The following CLIP4 variants were observed in gnomAD, a reference collection of about 807,000 sequenced individuals.
CLIP4 encodes the protein CAP-Gly domain containing linker protein family member 4, also known as CAP-Gly domain-containing linker protein 4.
In CLIP4, 47 loss-of-function variants were observed where a neutral mutation model predicts 73.1. The ratio of observed to expected loss-of-function variants is 0.64; its 90% CI spans 0.51 to 0.82. The LOEUF (loss-of-function observed/expected upper bound fraction) is 0.82. CLIP4 is among the 40% of genes least tolerant of loss of function. The pLI is 0.00. For synonymous variants in CLIP4, 306 were observed against 295.4 expected (o/e 1.04, Z -0.37); for missense variants, 874 against 852.9 (o/e 1.02, Z -0.31).
intron 14 of CLIP4, among the ~76,000 whole-genome samples, chr2:29,169,673 C>A (rs75960021): frequency 6.6e-6 from 1 of 151,922 alleles, no homozygotes; most frequent in Admixed American, 6.6e-5. Context: ...ATTTGATGCA[C>A]GTATACAATG....
intron 1 of CLIP4, among the ~76,000 whole-genome samples, chr2:29,107,371 T>G (rs867086315): frequency 0.012 from 1,388 of 119,034 alleles, 71 homozygotes; most frequent in African/African-American, 0.046. Context: ...TTTTTTTTTT[T>G]TTTTTTTTTT....
chr2:29,137,635 C>G (rs998829513), intron 6 of CLIP4, among the ~76,000 whole-genome samples: 1 of 152,204 alleles, frequency 6.6e-6, no homozygotes, highest in Non-Finnish European at 1.5e-5. Context: ...TACATTCCCA[C>G]TAACAGTGTA....
intron 7 of CLIP4, among the ~76,000 whole-genome samples, chr2:29,144,798 C>CT (rs34304199): frequency 0.26 from 21,940 of 84,280 alleles, 3,418 homozygotes; most frequent in African/African-American, 0.3. Flanking sequence ...AGTTATATCC[C>CT]TTTTTTTTTT....
rs532610887 is a variant in CLIP4 at position 29,160,575 on chromosome 2, T to C, written c.1534+108T>C. On this transcript the variant is annotated intron_variant, in intron 12 of 15. Transcript: ENST00000320081. ...GTAGAGAAATCTTGATGAACAGTTT[T>C]TGTGGATGGCAGCTATAGTACAGAA... 2.4e-3 allele frequency: 3,021 copies of C among 1,258,406 alleles called. 4 individuals are homozygous for C. Among genetic ancestry groups the C allele is most frequent in the Middle Eastern group, 4.7e-3 (19 of 4,022 alleles). 78.0% of individuals were successfully genotyped at this position (1,258,406 alleles called of 1,614,324 possible). A position where few individuals can be genotyped will look rare whatever the true frequency, so the allele number is the denominator to read the frequency against.
chr2:29,115,757 A>T lies in CLIP4; in HGVS notation c.-16+92A>T, dbSNP rs1663754380. The T allele has an allele frequency of 6.7e-6, 1 of 149,028 alleles. No homozygotes were observed. Among genetic ancestry groups the T allele is most frequent in the Admixed American group, 6.7e-5 (1 of 15,028 alleles). 9.2% of individuals were successfully genotyped at this position (149,028 alleles called of 1,614,324 possible). A position where few individuals can be genotyped will look rare whatever the true frequency, so the allele number is the denominator to read the frequency against. On this transcript the variant is annotated intron_variant, in intron 1 of 15. Transcript: ENST00000320081. This position sits in a 1 kb window ranked among gnomAD's most constrained non-coding sequence, Gnocchi z 5.1. ...TGGGCGGCCCTGGGGGCCCGCGGGG[A>T]GGTCAGTGGCCCCGGGAGGGTCGCG...
At chr2:29,127,365 A>C (rs1213479540) in intron 2 of CLIP4, among the ~76,000 whole-genome samples, 1 of 152,134 alleles carries the variant, frequency 6.6e-6, no homozygotes, top group Non-Finnish European at 1.5e-5. Flanking sequence ...TATTGCCATG[A>C]AAATAAAGAA....
At chr2:29,127,065 A>G (rs948001618) in intron 2 of CLIP4, among the ~76,000 whole-genome samples, 4 of 152,152 alleles carry the variant, frequency 2.6e-5, no homozygotes, top group African/African-American at 9.7e-5. Context: ...TTTGTTCGCA[A>G]AATAAGTTTT....
chr2:29,145,309 A>C lies in CLIP4; in HGVS notation c.963A>C (p.Glu321Asp). 6 of 1,613,648 alleles carry C rather than the reference A, an allele frequency of 3.7e-6. No homozygotes were observed. The highest frequency in any genetic ancestry group is 5.1e-6 in the Non-Finnish European group (6 of 1,179,620). The change falls in exon 8 of 16, where the codon GAA becomes GAC. Residue 321 changes from glutamate (E) to aspartate (D), a missense_variant. Coordinates refer to ENST00000320081, the MANE Select transcript of CLIP4 (RefSeq NM_024692.6). ...QWAGIELDEP[E>D]GKNNGSVGKV... is the part of the protein sequence containing the mutation. ...CTGGCATTGAACTGGATGAACCAGAAGGAAAAAATAATGGAAGTGTTGGAA... is the reference window on the plus strand; with the variant it reads ...CTGGCATTGAACTGGATGAACCAGACGGAAAAAATAATGGAAGTGTTGGAA...
chr2:29,159,316 G>A (rs1246925639), intron 11 of CLIP4, among the ~76,000 whole-genome samples: 4 of 151,902 alleles, frequency 2.6e-5, no homozygotes, highest in Non-Finnish European at 4.4e-5. Context: ...CTCTCAGATG[G>A]CAGCTCTTCA....
chr2:29,120,464 C>T (rs796437782), intron 1 of CLIP4, among the ~76,000 whole-genome samples: 61 of 152,234 alleles, frequency 4.0e-4, no homozygotes, highest in African/African-American at 1.4e-3. Flanking sequence ...GTGTTGTCTA[C>T]TACCAGATCA....
chr2:29,130,728 T>C, intron 2 of CLIP4: 1 of 1,240,178 alleles, frequency 8.1e-7, no homozygotes, highest in African/African-American at 1.6e-5. Flanking sequence ...TGTCTTTAGT[T>C]TGGTGCCTCT....
At chr2:29,166,668 ACTGT>A (rs901337592) in intron 13 of CLIP4, among the ~76,000 whole-genome samples, 85 of 152,106 alleles carry the variant, frequency 5.6e-4, no homozygotes, top group African/African-American at 2.0e-3. Flanking sequence ...CTCCCTCTCA[ACTGT>A]CTGTTACTAC....
At chr2:29,130,837 A>T (rs1175242921) in intron 2 of CLIP4, 1 of 1,289,266 alleles carries the variant, frequency 7.8e-7, no homozygotes, top group Non-Finnish European at 1.0e-6. Flanking sequence ...AAACAAAAAA[A>T]CCTCAATGAG....
At chr2:29,149,857 G>C (rs1666432784) in intron 8 of CLIP4, among the ~76,000 whole-genome samples, 1 of 152,014 alleles carries the variant, frequency 6.6e-6, no homozygotes, top group African/African-American at 2.4e-5. Flanking sequence ...GAGATTTCCT[G>C]GTGAGATTTT....
intron 15 of CLIP4, among the ~76,000 whole-genome samples, chr2:29,176,048 A>G (rs958503603): frequency 2.6e-5 from 4 of 152,244 alleles, no homozygotes; most frequent in African/African-American, 9.6e-5. Context: ...GGCGTGAGCC[A>G]CCGCACCCGG....
chr2:29,177,850 T>C (rs549177417), intron 15 of CLIP4, among the ~76,000 whole-genome samples: 1 of 152,222 alleles, frequency 6.6e-6, no homozygotes, highest in East Asian at 1.9e-4. Flanking sequence ...ATAAATATTT[T>C]TGAATGAGTA....
chr2:29,181,020 C>T (rs1668615066), intron 15 of CLIP4, among the ~76,000 whole-genome samples: 1 of 152,020 alleles, frequency 6.6e-6, no homozygotes, highest in Non-Finnish European at 1.5e-5. Flanking sequence ...CCCCTGCTTG[C>T]CTGCAACAGT....
At position 29,150,643 on chromosome 2, in the gene CLIP4, CTTTTTTT is replaced by C. The variant is rs34553625; in HGVS notation, c.1022-2023_1022-2017del. On this transcript the variant is annotated intron_variant, in intron 8 of 15. Transcript: ENST00000320081. Reference sequence around the variant, plus strand: ...CATAACTTAATTTTTTTGATTTGCTCTTTTTTTTTTTTTTTTTTTTTTTTTGAGACAG... The same window carrying C: ...CATAACTTAATTTTTTTGATTTGCTCTTTTTTTTTTTTTTTTTTGAGACAG... Among the ~76,000 whole-genome samples, 123 of 80,272 alleles carry C rather than the reference CTTTTTTT, an allele frequency of 1.5e-3. 2 individuals carry two copies. The highest frequency in any genetic ancestry group is 5.2e-3 in the African/African-American group (119 of 22,806). The allele number at this position is 80,272 out of a possible 152,430, so 52.7% of individuals were successfully genotyped here. A position where few individuals can be genotyped will look rare whatever the true frequency, so the allele number is the denominator to read the frequency against.
chr2:29,115,225 C>G (rs1479871538), upstream of CLIP4: 1 of 152,256 alleles, frequency 6.6e-6, no homozygotes, highest in Non-Finnish European at 1.5e-5. This position sits in a 1 kb window ranked among gnomAD's most constrained non-coding sequence, Gnocchi z 5.1. Context: ...AGGCTGAGGG[C>G]TGTGAAGGCG....
Sources: gnomAD v4.1 joint callset for allele counts (sites outside exome capture counted in the v4.1 genomes callset) on GRCh38, gnomAD v4.1.1 for gene constraint, Gnocchi (gnomAD v3.1) non-coding constraint, MANE v1.5 for transcripts, NCBI Gene and HGNC (gene_info 2026-07-23, HGNC 2026-07-21) for gene names.